ATAD2B: variants seen among roughly 807,000 people sequenced by gnomAD.
ATAD2B encodes the protein ATPase family AAA domain-containing protein 2B.
A neutral mutation model predicts 167.6 loss-of-function variants in ATAD2B; 40 were observed. The observed-to-expected ratio is 0.24, with a 90% CI of 0.19 to 0.31. ATAD2B has a LOEUF of 0.31. ATAD2B is among the 10% of genes least tolerant of loss of function. The pLI, the probability that ATAD2B is intolerant of heterozygous loss-of-function variation, is 1.00. For missense variants in ATAD2B, 1,242 were observed against 1,757.2 expected (o/e 0.71, Z 5.24); for synonymous variants, 579 against 596.5 (o/e 0.97, Z 0.43).
chr2:23,679,468 A>T, the ATAD2B span, among the ~76,000 whole-genome samples: 1 of 152,142 alleles, frequency 6.6e-6, no homozygotes, highest in African/African-American at 2.4e-5. Context: ...TAAGGCCGTG[A>T]CTCACATTTT....
intron 6 of ATAD2B, 97 bp downstream of exon 6, chr2:23,884,664 AAACC>A (rs1698427947): frequency 1.7e-6 from 1 of 585,526 alleles, no homozygotes; most frequent in African/African-American, 1.9e-5. Context: ...CAAAATCCAA[AAACC>A]AACTACTCAG....
chr2:23,762,758 C>T (rs1466680673), intron 23 of ATAD2B, among the ~76,000 whole-genome samples: 2 of 152,294 alleles, frequency 1.3e-5, no homozygotes, highest in East Asian at 1.9e-4. Context: ...CTATTTGCTT[C>T]CTGTCGCACC....
the ATAD2B span, chr2:23,706,583 A>G: frequency 1.3e-6 from 2 of 1,537,150 alleles, no homozygotes; most frequent in Non-Finnish European, 8.7e-7. Flanking sequence ...CAACCAACAC[A>G]TGGACCCTCC....
chr2:23,869,632 C>T, intron 9 of ATAD2B, 31 bp downstream of exon 9: 1 of 1,449,054 alleles, frequency 6.9e-7, no homozygotes, highest in Non-Finnish European at 9.5e-7. Context: ...CTTTTTTCTA[C>T]CATGGAAATA....
intron 9 of ATAD2B, among the ~76,000 whole-genome samples, chr2:23,868,797 T>C (rs899308006): frequency 2.6e-5 from 4 of 152,214 alleles, no homozygotes; most frequent in Admixed American, 6.5e-5. Flanking sequence ...TAAATTAATA[T>C]AGTCAACTTC....
chr2:23,701,708 C>A, the ATAD2B span, among the ~76,000 whole-genome samples: 2 of 151,996 alleles, frequency 1.3e-5, no homozygotes, highest in East Asian at 3.9e-4. Context: ...CAGAGCAAGA[C>A]CCTGCCTCAA....
At position 23,757,960 on chromosome 2, in the gene ATAD2B, A is replaced by C; in HGVS notation, c.3536T>G (p.Leu1179Ter). 6.2e-7 allele frequency: 1 copy of C among 1,613,572 alleles called. No individual in the cohort carries two copies. The highest frequency in any genetic ancestry group is 8.5e-7 in the Non-Finnish European group (1 of 1,179,728). ...YENHTEDRKL[L>*]ENGEFEVSTD... ...GCTTACCTCAAACTCTCCATTCTCT[A>C]ATAATTTCCTGTCCTCCGTATGGTT... Residue 1179 changes from leucine to a stop codon, truncating the protein, a stop_gained, in exon 25 of 28, where the codon TTA becomes TGA. Transcript: ENST00000238789. LOFTEE classifies it high-confidence loss of function.
At chr2:23,727,711 C>A in the ATAD2B span, among the ~76,000 whole-genome samples, 8 of 152,186 alleles carry the variant, frequency 5.3e-5, no homozygotes, top group South Asian at 1.2e-3. Flanking sequence ...CATATCCATA[C>A]AATGGAATAT....
chr2:23,733,255 C>A, the ATAD2B span, among the ~76,000 whole-genome samples: 5 of 152,138 alleles, frequency 3.3e-5, no homozygotes, highest in Admixed American at 2.0e-4. Flanking sequence ...CATCTCCTAG[C>A]AGCATTTTAG....
intron 22 of ATAD2B, among the ~76,000 whole-genome samples, chr2:23,767,299 T>C (rs1445062484): frequency 6.6e-6 from 1 of 152,122 alleles, no homozygotes; most frequent in Admixed American, 6.6e-5. Context: ...TAGTTTAGCC[T>C]GTGTGGTCTA....
chr2:23,702,468 A>G, the ATAD2B span, among the ~76,000 whole-genome samples: 1 of 152,158 alleles, frequency 6.6e-6, no homozygotes, highest in Admixed American at 6.5e-5. Context: ...TAAGTCGGGG[A>G]CTGTCTGCAC....
intron 18 of ATAD2B, among the ~76,000 whole-genome samples, chr2:23,800,742 T>C (rs1040548335): frequency 1.3e-5 from 2 of 151,312 alleles, no homozygotes; most frequent in Non-Finnish European, 3.0e-5. Context: ...TTGAACATGA[T>C]ATCCTAGTGA....
At chr2:23,795,142 T>A (rs546067586) in intron 19 of ATAD2B, among the ~76,000 whole-genome samples, 2 of 152,248 alleles carry the variant, frequency 1.3e-5, no homozygotes, top group African/African-American at 4.8e-5. Context: ...TTATTTATTA[T>A]GGAAGATATA....
intron 20 of ATAD2B, 70 bp from the exon 21 acceptor site, chr2:23,786,293 A>C: frequency 4.1e-6 from 5 of 1,227,872 alleles, no homozygotes; most frequent in Non-Finnish European, 5.6e-6. Flanking sequence ...GCATTCTCTC[A>C]AAATGTTCTT....
chr2:23,822,611 C>T (rs1687616310), intron 16 of ATAD2B, among the ~76,000 whole-genome samples: 2 of 151,110 alleles, frequency 1.3e-5, no homozygotes, highest in African/African-American at 4.9e-5. Flanking sequence ...TGCTTACCTG[C>T]AAGCCTGTTA....
intron 17 of ATAD2B, among the ~76,000 whole-genome samples, chr2:23,816,001 C>T (rs1686381980): frequency 6.6e-6 from 1 of 152,142 alleles, no homozygotes. Context: ...ACCCCAACTA[C>T]CCAGGACAAT....
intron 2 of ATAD2B, among the ~76,000 whole-genome samples, chr2:23,891,020 A>T (rs574192285): frequency 0.081 from 11,106 of 136,968 alleles, 495 homozygotes; most frequent in African/African-American, 0.13. Context: ...ATATACTGAG[A>T]TTTTTTTTTT....
In ATAD2B at chr2:23,919,570, C is replaced by T. The variant is rs149421879; in HGVS notation, c.216+6985G>A. ...AAAAAAAAGTATTAGGGGCCGGGTG[C>T]AGTGGCTCACACCTGTAATCCCAGC... is the stretch of plus-strand genomic sequence containing the variant. On this transcript the variant is annotated intron_variant, in intron 1 of 27. Transcript: ENST00000238789. 3.5e-3 allele frequency among the ~76,000 whole-genome samples: 525 copies of T among 152,090 alleles called. 4 individuals carry two copies. Among genetic ancestry groups the T allele is most frequent in the African/African-American group, 0.012 (511 of 41,488 alleles).
chr2:23,785,444 A>G (rs1175469348), intron 21 of ATAD2B, among the ~76,000 whole-genome samples: 1 of 152,086 alleles, frequency 6.6e-6, no homozygotes, highest in South Asian at 2.1e-4. Context: ...ATCACAAACC[A>G]TGCTCCCACA....
Sources: allele counts gnomAD v4.1 joint callset (sites outside exome capture counted in the v4.1 genomes callset), GRCh38; gene constraint gnomAD v4.1.1; transcripts MANE v1.5; gene names NCBI Gene and HGNC (gene_info 2026-07-23, HGNC 2026-07-21).